The following ERBB4 variants were observed in gnomAD, a reference collection of about 807,000 sequenced individuals.
ERBB4 encodes receptor tyrosine-protein kinase erbB-4.
ERBB4 carries 42 observed loss-of-function variants against 158.0 expected under a neutral mutation model. The observed-to-expected ratio is 0.27, with a 90% CI of 0.21 to 0.34. ERBB4 has a LOEUF of 0.34. Ranked by LOEUF, ERBB4 falls within the 10% of genes least tolerant of loss-of-function variation. The probability of loss-of-function intolerance (pLI) is 1.00; values close to 1 mark genes in which losing one functional copy is unlikely to be tolerated. For missense variants in ERBB4, 1,333 were observed against 1,624.1 expected (o/e 0.82, Z 3.08); for synonymous variants, 583 against 558.7 (o/e 1.04, Z -0.61).
intron 20 of ERBB4, among the ~76,000 whole-genome samples, chr2:211,449,275 C>G (rs1359364240): frequency 6.6e-6 from 1 of 152,070 alleles, no homozygotes; most frequent in Non-Finnish European, 1.5e-5. Flanking sequence ...AATACTGAAA[C>G]TGGTATGAAA....
At chr2:211,754,722 CAG>C (rs2106221858) in intron 4 of ERBB4, among the ~76,000 whole-genome samples, 1 of 144,640 alleles carries the variant, frequency 6.9e-6, no homozygotes, top group African/African-American at 2.6e-5. Context: ...TTTTTTGAGA[CAG>C]AGTTTTGCTC....
chr2:212,442,003 A>T (rs2092264505), intron 1 of ERBB4, among the ~76,000 whole-genome samples: 1 of 152,218 alleles, frequency 6.6e-6, no homozygotes, highest in Admixed American at 6.5e-5. Context: ...TGGGAACCAC[A>T]GTCACTCAAC....
chr2:212,363,990 C>A (rs945205777), intron 1 of ERBB4, among the ~76,000 whole-genome samples: 1 of 151,720 alleles, frequency 6.6e-6, no homozygotes, highest in Non-Finnish European at 1.5e-5. Flanking sequence ...CTGTGAAACA[C>A]ATCTAGTGTA....
chr2:211,512,336 C>A (rs78891469), intron 20 of ERBB4, among the ~76,000 whole-genome samples: 1 of 151,952 alleles, frequency 6.6e-6, no homozygotes, highest in Non-Finnish European at 1.5e-5. Flanking sequence ...TTCTGGGAGA[C>A]CTTTTGTAAT....
intron 2 of ERBB4, among the ~76,000 whole-genome samples, chr2:212,049,384 A>G (rs1024866078): frequency 2.0e-5 from 3 of 151,854 alleles, no homozygotes; most frequent in African/African-American, 4.8e-5. Context: ...TGTTTTCCCT[A>G]TTATTTATTA....
At chr2:211,851,002 C>T (rs2077708454) in intron 3 of ERBB4, among the ~76,000 whole-genome samples, 1 of 151,882 alleles carries the variant, frequency 6.6e-6, no homozygotes, top group Non-Finnish European at 1.5e-5. Flanking sequence ...GCCTGATAGT[C>T]AATACAACTG....
chr2:212,433,556 A>T (rs2105949044), intron 1 of ERBB4, among the ~76,000 whole-genome samples: 1 of 152,126 alleles, frequency 6.6e-6, no homozygotes, highest in South Asian at 2.1e-4. Flanking sequence ...TGTTCCTTTA[A>T]TACAACTTTC....
chr2:212,239,212 TA>T (rs2083992613), intron 1 of ERBB4, among the ~76,000 whole-genome samples: 1 of 152,148 alleles, frequency 6.6e-6, no homozygotes, highest in Admixed American at 6.6e-5. Context: ...TGCCTGGCTA[TA>T]TTTTTTTATT....
chr2:211,634,029 T>G (rs1382390977), intron 16 of ERBB4, among the ~76,000 whole-genome samples: 1 of 152,140 alleles, frequency 6.6e-6, no homozygotes, highest in East Asian at 1.9e-4. Flanking sequence ...CGTGGTGGCA[T>G]GCACCTGTAA....
chr2:212,105,606 AAATGT>A (rs2079202707), intron 2 of ERBB4, among the ~76,000 whole-genome samples: 1 of 152,214 alleles, frequency 6.6e-6, no homozygotes, highest in South Asian at 2.1e-4. Context: ...TTGTGTCGAA[AAATGT>A]TTCAATAAAA....
chr2:212,386,208 C>T (rs185866661), intron 1 of ERBB4, among the ~76,000 whole-genome samples: 2 of 151,986 alleles, frequency 1.3e-5, no homozygotes, highest in African/African-American at 4.8e-5. Context: ...ATTCACCTTC[C>T]AGGTAAACAC....
At chr2:211,428,714 T>C (rs1285952716) in intron 21 of ERBB4, among the ~76,000 whole-genome samples, 1 of 152,098 alleles carries the variant, frequency 6.6e-6, no homozygotes, top group Non-Finnish European at 1.5e-5. Context: ...TACTTATTCA[T>C]TTTTTATTTT....
intron 20 of ERBB4, among the ~76,000 whole-genome samples, chr2:211,518,224 C>T (rs2066089242): frequency 6.6e-6 from 1 of 151,988 alleles, no homozygotes; most frequent in Non-Finnish European, 1.5e-5. Flanking sequence ...CTTCACCAGA[C>T]TGATACAAAA....
chr2:211,875,041 A>AC (rs2078458890), intron 3 of ERBB4, among the ~76,000 whole-genome samples: 1 of 140,728 alleles, frequency 7.1e-6, no homozygotes, highest in Admixed American at 7.5e-5. Context: ...AAAAAAAAAA[A>AC]AAAAAAAAAC....
intron 3 of ERBB4, among the ~76,000 whole-genome samples, chr2:211,900,373 AACACACACAC>A (rs72160363): frequency 5.4e-5 from 8 of 148,716 alleles, no homozygotes; most frequent in African/African-American, 2.0e-4. Flanking sequence ...TTTATGTTTA[AACACACACAC>A]ACACACACAC....
At position 211,908,116 on chromosome 2, in the gene ERBB4, G is replaced by C. The variant is rs963099382; in HGVS notation, c.421+39314C>G. On this transcript the variant is annotated intron_variant, in intron 3 of 27. Transcript: ENST00000342788. ...TTTATACAGACAACACAAGAGAGGGGAGGCATTAGAGTTCACCAGTCTGGA... is the reference window on the plus strand; with the variant it reads ...TTTATACAGACAACACAAGAGAGGGCAGGCATTAGAGTTCACCAGTCTGGA... 4.0e-5 allele frequency among the ~76,000 whole-genome samples: 6 copies of C among 151,720 alleles called. 1 individual carries two copies. Among genetic ancestry groups the C allele is most frequent in the African/African-American group, 7.2e-5 (3 of 41,388 alleles).
chr2:212,304,417 C>T (rs994043761), intron 1 of ERBB4, among the ~76,000 whole-genome samples: 4 of 151,588 alleles, frequency 2.6e-5, no homozygotes, highest in Admixed American at 2.6e-4. Context: ...CATGAGAACA[C>T]GTTTGGCCTG....
intron 3 of ERBB4, among the ~76,000 whole-genome samples, chr2:211,941,630 G>A (rs977162719): frequency 1.5e-4 from 23 of 151,186 alleles, no homozygotes; most frequent in African/African-American, 5.4e-4. Flanking sequence ...CCTGAGAGTA[G>A]ACAAAGGCCA....
At chr2:211,543,498 T>C (rs2125687952) in intron 20 of ERBB4, among the ~76,000 whole-genome samples, 1 of 152,164 alleles carries the variant, frequency 6.6e-6, no homozygotes, top group Non-Finnish European at 1.5e-5. Context: ...GTTTCTTTGT[T>C]TCTTAAAAAG....
Sources: gnomAD v4.1 joint callset for allele counts (sites outside exome capture counted in the v4.1 genomes callset) on GRCh38, gnomAD v4.1.1 for gene constraint, MANE v1.5 for transcripts, NCBI Gene and HGNC (gene_info 2026-07-23, HGNC 2026-07-21) for gene names.